The following TNKS variants were observed in gnomAD, a reference collection of about 807,000 sequenced individuals.
The protein encoded by TNKS is tankyrase.
TNKS carries 72 observed loss-of-function variants against 135.8 expected under a neutral mutation model. The observed-to-expected ratio is 0.53, with a 90% CI of 0.44 to 0.64. The LOEUF (loss-of-function observed/expected upper bound fraction) is 0.64. Among genes scored for constraint, TNKS ranks in the 30% least tolerant of loss-of-function variants. TNKS has a pLI of 0.00. For synonymous variants in TNKS, 849 were observed against 649.3 expected (o/e 1.31, Z -4.68); for missense variants, 1,769 against 1,674.0 (o/e 1.06, Z -0.99).
chr8:9,723,460 T>C (rs7006785), intron 12 of TNKS, among the ~76,000 whole-genome samples: 106,686 of 152,042 alleles, frequency 0.7, 37,973 homozygotes, highest in Admixed American at 0.8. Context: ...CTTTCAACTC[T>C]CAAGTCTGTA....
intron 1 of TNKS, chr8:9,557,935 A>C (rs935667003): frequency 1.3e-4 from 20 of 152,212 alleles, no homozygotes; most frequent in African/African-American, 4.3e-4. Flanking sequence ...AATCAAACTT[A>C]AACTGTCAGA....
intron 3 of TNKS, among the ~76,000 whole-genome samples, chr8:9,659,670 A>G (rs1801598837): frequency 6.6e-6 from 1 of 152,230 alleles, no homozygotes; most frequent in East Asian, 1.9e-4. Flanking sequence ...ATCACAATTA[A>G]AAGAACTAGA....
chr8:9,741,482 A>G (rs1805957803), intron 17 of TNKS, among the ~76,000 whole-genome samples: 1 of 152,200 alleles, frequency 6.6e-6, no homozygotes. Context: ...CACGGAGGAT[A>G]AGGAAAAGAA....
In TNKS at chr8:9,556,515, T is replaced by C; in HGVS notation, c.576T>C (p.Asn192=). 3.1e-6 allele frequency: 5 copies of C among 1,614,110 alleles called. No individual in the cohort carries two copies. The highest frequency in any genetic ancestry group is 3.4e-6 in the Non-Finnish European group (4 of 1,180,026). ...GGGAACTGCTGGAGGCCTGTCGCAATGGGGACGTGTCCCGGGTAAAGAGGC... is the reference window on the plus strand; with the variant it reads ...GGGAACTGCTGGAGGCCTGTCGCAACGGGGACGTGTCCCGGGTAAAGAGGC... ...ALRELLEACR[N]GDVSRVKRLV... is the part of the protein sequence containing the mutation. Residue 192 remains asparagine, a synonymous_variant, in exon 1 of 27, where the codon AAT becomes AAC. Coordinates refer to ENST00000310430, the MANE Select transcript of TNKS (RefSeq NM_003747.3).
chr8:9,636,714 A>G (rs1477900557), intron 3 of TNKS, among the ~76,000 whole-genome samples: 1 of 152,202 alleles, frequency 6.6e-6, no homozygotes, highest in East Asian at 1.9e-4. Flanking sequence ...ATAAGATGAC[A>G]ATAGATTCAG....
intron 26 of TNKS, among the ~76,000 whole-genome samples, chr8:9,772,051 TAGGGAGGGATGG>T (rs1807933945): frequency 1.7e-5 from 1 of 57,262 alleles, no homozygotes; most frequent in Non-Finnish European, 3.4e-5. Flanking sequence ...GAGACAGAGG[TAGGGAGGGATGG>T]AGGGGGAGAG....
intron 5 of TNKS, among the ~76,000 whole-genome samples, chr8:9,687,263 G>A (rs1459474684): frequency 6.6e-6 from 1 of 152,126 alleles, no homozygotes; most frequent in Non-Finnish European, 1.5e-5. Context: ...AGGTCAAAAT[G>A]CAGTAAGTCT....
At chr8:9,720,577 T>C (rs779221388) in intron 12 of TNKS, 32 bp downstream of exon 12, 2 of 1,581,262 alleles carry the variant, frequency 1.3e-6, no homozygotes, top group South Asian at 2.3e-5. Context: ...GGGCATTTTA[T>C]GTTTTCTCTT....
intron 24 of TNKS, 61 bp downstream of exon 24, chr8:9,765,858 G>A: frequency 1.5e-6 from 2 of 1,372,438 alleles, no homozygotes; most frequent in East Asian, 2.3e-5. Context: ...TCAGTAAAGG[G>A]AAAAACCTAC....
At chr8:9,568,386 A>G (rs1357028624) in intron 1 of TNKS, among the ~76,000 whole-genome samples, 6 of 152,210 alleles carry the variant, frequency 3.9e-5, no homozygotes, top group Admixed American at 3.9e-4. Context: ...GTGTTTCTCA[A>G]ACTTTTTGGT....
intron 3 of TNKS, among the ~76,000 whole-genome samples, chr8:9,616,728 CTT>C (rs934446318): frequency 6.6e-6 from 1 of 152,124 alleles, no homozygotes; most frequent in Non-Finnish European, 1.5e-5. Flanking sequence ...AGTAATATGA[CTT>C]TTCTCAATCA....
chr8:9,775,433 T>G lies in TNKS; in HGVS notation c.3898-1217T>G, dbSNP rs569815083. Among the ~76,000 whole-genome samples the G allele has an allele frequency of 2.7e-4, 36 of 134,462 alleles. 1 individual carries two copies. In the East Asian group the frequency reaches 4.8e-3, roughly 18 times the overall value. The allele number at this position is 134,462 out of a possible 152,430, so 88.2% of individuals were successfully genotyped here. A position where few individuals can be genotyped will look rare whatever the true frequency, so the allele number is the denominator to read the frequency against. ...AACTAAAATCAGAGCAGACTGGAAT[T>G]ACGGAAAAGAATATTATGAATGGTT... On this transcript the variant is annotated intron_variant, in intron 26 of 26. Transcript: ENST00000310430.
intron 3 of TNKS, among the ~76,000 whole-genome samples, chr8:9,666,278 T>C (rs1198735678): frequency 6.6e-6 from 1 of 152,230 alleles, no homozygotes; most frequent in Non-Finnish European, 1.5e-5. Flanking sequence ...ACTCATGTCT[T>C]TTTTAAACAT....
chr8:9,627,096 G>A (rs562330455), intron 3 of TNKS, among the ~76,000 whole-genome samples: 1 of 152,216 alleles, frequency 6.6e-6, no homozygotes, highest in South Asian at 2.1e-4. Flanking sequence ...AATCAGTTGT[G>A]CCTATGTAAT....
At chr8:9,663,128 G>T (rs1801809672) in intron 3 of TNKS, among the ~76,000 whole-genome samples, 1 of 152,176 alleles carries the variant, frequency 6.6e-6, no homozygotes, top group Non-Finnish European at 1.5e-5. Flanking sequence ...AGCTGAAAAA[G>T]ACAAGGAAAT....
chr8:9,744,330 A>G (rs909185444), intron 17 of TNKS, among the ~76,000 whole-genome samples: 13 of 152,212 alleles, frequency 8.5e-5, no homozygotes, highest in African/African-American at 2.9e-4. Context: ...GAGTAAATCA[A>G]TTGACTGATT....
intron 2 of TNKS, 32 bp downstream of exon 2, chr8:9,580,415 A>G: frequency 6.3e-7 from 1 of 1,591,250 alleles, no homozygotes; most frequent in Non-Finnish European, 8.6e-7. Flanking sequence ...CTAAATTTTA[A>G]ATAAAGGTTT....
intron 11 of TNKS, among the ~76,000 whole-genome samples, chr8:9,716,734 G>C (rs937054238): frequency 2.6e-5 from 4 of 151,214 alleles, no homozygotes; most frequent in African/African-American, 7.3e-5. Context: ...CTTTCTCTGA[G>C]GTTTCTTTTC....
At chr8:9,574,912 C>A in intron 1 of TNKS, 1 of 428,310 alleles carries the variant, frequency 2.3e-6, no homozygotes, top group Non-Finnish European at 3.1e-6. Flanking sequence ...GTCTGAGAAC[C>A]TAGATATGAG....
Sources: gnomAD v4.1 joint callset for allele counts (sites outside exome capture counted in the v4.1 genomes callset) on GRCh38, gnomAD v4.1.1 for gene constraint, MANE v1.5 for transcripts, NCBI Gene and HGNC (gene_info 2026-07-23, HGNC 2026-07-21) for gene names.